TP63: variants seen among roughly 807,000 people sequenced by gnomAD.
TP63 encodes tumor protein 63.
A neutral mutation model predicts 82.8 loss-of-function variants in TP63; 17 were observed. The observed-to-expected ratio is 0.21, with a 90% CI of 0.14 to 0.31. TP63 has a LOEUF of 0.31. TP63 is among the 10% of genes least tolerant of loss of function. The pLI is 1.00. For missense variants in TP63, 648 were observed against 895.3 expected (o/e 0.72, Z 3.52); for synonymous variants, 330 against 321.7 (o/e 1.03, Z -0.28).
Position 189,744,333 on chromosome 3 carries a change from TGCTGTGGCC to T in TP63, c.324+5560_324+5568del, listed in dbSNP as rs532137052. On this transcript the variant is annotated intron_variant, in intron 3 of 13. Transcript: ENST00000264731. The stretch of plus-strand genomic sequence containing the variant: ...CCCAGTAGAAGAGCTATGGTGTAGC[TGCTGTGGCC>T]CTTACCTGAACATTGTTCTGGCCTC... Among the ~76,000 whole-genome samples the T allele has an allele frequency of 6.6e-5, 10 of 152,306 alleles. No homozygotes were observed. In the South Asian group the frequency reaches 1.9e-3, roughly 28 times the overall value.
At chr3:189,893,353 C>T (rs1347209707) in intron 13 of TP63, among the ~76,000 whole-genome samples, 2 of 152,210 alleles carry the variant, frequency 1.3e-5, no homozygotes, top group Non-Finnish European at 2.9e-5. Flanking sequence ...CCATCAAAAC[C>T]TCTGCCACAG....
chr3:189,618,197 G>A, the TP63 span, among the ~76,000 whole-genome samples: 3 of 152,184 alleles, frequency 2.0e-5, no homozygotes, highest in Non-Finnish European at 2.9e-5. Context: ...GTTTAGAGAA[G>A]CCTAATGGAA....
At chr3:189,733,502 G>A (rs947065470) in intron 1 of TP63, among the ~76,000 whole-genome samples, 7 of 152,160 alleles carry the variant, frequency 4.6e-5, no homozygotes, top group African/African-American at 9.7e-5. Context: ...CCTGGCTTTC[G>A]AGCTATCAGG....
At chr3:189,839,800 CAGT>C (rs929777311) in intron 4 of TP63, among the ~76,000 whole-genome samples, 1 of 152,148 alleles carries the variant, frequency 6.6e-6, no homozygotes, top group African/African-American at 2.4e-5. Flanking sequence ...TTGCAGTGGG[CAGT>C]AGTATTATCT....
chr3:189,876,527 G>A (rs1290140255), intron 10 of TP63, among the ~76,000 whole-genome samples: 2 of 152,154 alleles, frequency 1.3e-5, no homozygotes, highest in African/African-American at 2.4e-5. Context: ...TAGTTCCCTG[G>A]TGTGTTCATT....
intron 3 of TP63, among the ~76,000 whole-genome samples, chr3:189,771,317 T>A (rs1321479610): frequency 7.5e-6 from 1 of 132,594 alleles, no homozygotes; most frequent in Admixed American, 8.0e-5. Context: ...TATAATATAT[T>A]ATATATTTAT....
At chr3:189,696,728 C>T (rs1031795464) in intron 1 of TP63, among the ~76,000 whole-genome samples, 1 of 151,878 alleles carries the variant, frequency 6.6e-6, no homozygotes, top group Non-Finnish European at 1.5e-5. Context: ...GTCGTTTATA[C>T]TTTAGCCATT....
chr3:189,654,030 C>G (rs1223112733), intron 1 of TP63, among the ~76,000 whole-genome samples: 2 of 152,032 alleles, frequency 1.3e-5, no homozygotes, highest in Non-Finnish European at 2.9e-5. Context: ...ATGACTAGAA[C>G]CTCTCTCTTC....
At chr3:189,615,688 A>C in the TP63 span, among the ~76,000 whole-genome samples, 1 of 152,278 alleles carries the variant, frequency 6.6e-6, no homozygotes, top group South Asian at 2.1e-4. Context: ...GCCCTTGACA[A>C]GATAGCCAGG....
At chr3:189,769,305 G>A (rs904914006) in intron 3 of TP63, among the ~76,000 whole-genome samples, 1 of 152,126 alleles carries the variant, frequency 6.6e-6, no homozygotes, top group East Asian at 1.9e-4. Context: ...TAGAGTAGAA[G>A]TTTATTCTGG....
chr3:189,756,027 G>A (rs1722163396), intron 3 of TP63, among the ~76,000 whole-genome samples: 1 of 152,138 alleles, frequency 6.6e-6, no homozygotes, highest in Non-Finnish European at 1.5e-5. Flanking sequence ...TATGAGTGAA[G>A]AGGTGGTAAA....
chr3:189,619,410 C>A, the TP63 span, among the ~76,000 whole-genome samples: 2 of 152,176 alleles, frequency 1.3e-5, no homozygotes, highest in African/African-American at 4.8e-5. Flanking sequence ...ATGCCCCTAT[C>A]TATATTTCCA....
chr3:189,866,205 AG>A (rs1195746909), intron 5 of TP63, among the ~76,000 whole-genome samples: 1 of 152,226 alleles, frequency 6.6e-6, no homozygotes, highest in African/African-American at 2.4e-5. Context: ...TTAAAAGTTG[AG>A]GAGGAGGAAA....
chr3:189,671,839 T>C (rs573306535), intron 1 of TP63, among the ~76,000 whole-genome samples: 9 of 151,962 alleles, frequency 5.9e-5, no homozygotes, highest in Non-Finnish European at 1.2e-4. Flanking sequence ...GCTAAAAATA[T>C]TGAGTTAATA....
intron 1 of TP63, among the ~76,000 whole-genome samples, chr3:189,708,973 A>G (rs1718398724): frequency 6.6e-6 from 1 of 152,134 alleles, no homozygotes; most frequent in Non-Finnish European, 1.5e-5. Flanking sequence ...ACCAAAAGCA[A>G]TCCTCTTACA....
intron 3 of TP63, among the ~76,000 whole-genome samples, chr3:189,744,437 G>A (rs1721221124): frequency 6.6e-6 from 1 of 152,136 alleles, no homozygotes; most frequent in African/African-American, 2.4e-5. Flanking sequence ...CCTAAGGACA[G>A]GTTCGCCCAA....
At chr3:189,792,984 A>G (rs1725314324) in intron 3 of TP63, among the ~76,000 whole-genome samples, 1 of 152,098 alleles carries the variant, frequency 6.6e-6, no homozygotes, top group Non-Finnish European at 1.5e-5. Flanking sequence ...TAATAAATGT[A>G]TTAAGCTGTC....
intron 5 of TP63, 28 bp from the exon 6 acceptor site, chr3:189,866,654 A>G: frequency 6.3e-7 from 1 of 1,592,852 alleles, no homozygotes; most frequent in Non-Finnish European, 8.6e-7. Flanking sequence ...GTAAAGAACT[A>G]ACTCTTTTAT....
rs71175310 is a variant in TP63 at position 189,765,246 on chromosome 3, GA to G, written c.324+26482del. Among the ~76,000 whole-genome samples, 19 of 151,246 alleles carry G rather than the reference GA, an allele frequency of 1.3e-4. No homozygotes were observed. The East Asian group carries it at 2.9e-3, about 23-fold the overall frequency. ...AGAAAACTAAGGAGAATATAGAGCAGAAAAAAAAAATCAGTTTTGTGACTAA... is the reference window on the plus strand; with the variant it reads ...AGAAAACTAAGGAGAATATAGAGCAGAAAAAAAAATCAGTTTTGTGACTAA... On this transcript the variant is annotated intron_variant, in intron 3 of 13. Transcript: ENST00000264731.
Sources: allele counts gnomAD v4.1 joint callset (sites outside exome capture counted in the v4.1 genomes callset), GRCh38; gene constraint gnomAD v4.1.1; transcripts MANE v1.5; gene names NCBI Gene and HGNC (gene_info 2026-07-23, HGNC 2026-07-21).